RBFOX1: variants seen among roughly 807,000 people sequenced by gnomAD.
The protein encoded by RBFOX1 is RNA binding fox-1 homolog 1.
Under a neutral mutation model 57.7 loss-of-function variants are expected in RBFOX1, and 8 were observed. The ratio of observed to expected loss-of-function variants is 0.14; its 90% CI spans 0.08 to 0.25. RBFOX1 has a LOEUF of 0.25. Ranked by LOEUF, RBFOX1 falls within the 10% of genes least tolerant of loss-of-function variation. RBFOX1 has a pLI of 1.00. For synonymous variants in RBFOX1, 326 were observed against 222.4 expected (o/e 1.47, Z -4.15); for missense variants, 611 against 548.5 (o/e 1.11, Z -1.14).
Position 7,709,975 on chromosome 16 carries a change from A to G in RBFOX1, c.1072-648A>G, listed in dbSNP as rs112294434. On this transcript the variant is annotated intron_variant, in intron 15 of 15. Transcript: ENST00000550418. The stretch of plus-strand genomic sequence containing the variant: ...CCATAGGCATTCATTTGAATTGCCA[A>G]TACTTTTAGAAAAAGGAAATCGTTA... 1.2e-4 allele frequency: 117 copies of G among 1,007,604 alleles called. No individual in the cohort carries two copies. In the African/African-American group the frequency reaches 1.4e-3, roughly 12 times the overall value. 62.4% of individuals were successfully genotyped at this position (1,007,604 alleles called of 1,614,324 possible). A position where few individuals can be genotyped will look rare whatever the true frequency, so the allele number is the denominator to read the frequency against.
chr16:5,866,056 C>T (rs997540949), intron 3 of RBFOX1, among the ~76,000 whole-genome samples: 1 of 152,182 alleles, frequency 6.6e-6, no homozygotes, highest in African/African-American at 2.4e-5. Flanking sequence ...CAACCTCTGC[C>T]TCCGCGGTTC....
At chr16:6,459,827 A>T (rs994435234) in intron 2 of RBFOX1, among the ~76,000 whole-genome samples, 5 of 151,440 alleles carry the variant, frequency 3.3e-5, no homozygotes, top group Non-Finnish European at 7.4e-5. Flanking sequence ...TCTACATAAG[A>T]TACAAAATTA....
intron 2 of RBFOX1, among the ~76,000 whole-genome samples, chr16:6,616,527 T>A (rs1390062725): frequency 1.3e-5 from 2 of 152,020 alleles, no homozygotes; most frequent in African/African-American, 4.8e-5. Context: ...ATACAAAAAA[T>A]TAGCCAGGCA....
chr16:7,689,101 A>G (rs2076770349), intron 14 of RBFOX1, among the ~76,000 whole-genome samples: 1 of 152,102 alleles, frequency 6.6e-6, no homozygotes, highest in Admixed American at 6.6e-5. Flanking sequence ...AAGAAGGGTT[A>G]TAAGAAAAAT....
intron 3 of RBFOX1, among the ~76,000 whole-genome samples, chr16:5,817,377 T>C (rs1457369300): frequency 6.6e-6 from 1 of 152,204 alleles, no homozygotes; most frequent in African/African-American, 2.4e-5. Flanking sequence ...CTCACTGATA[T>C]CCCATTCGTG....
At chr16:5,484,883 G>A (rs1567149735) in intron 2 of RBFOX1, among the ~76,000 whole-genome samples, 1 of 149,420 alleles carries the variant, frequency 6.7e-6, no homozygotes, top group Non-Finnish European at 1.5e-5. Context: ...GTGACATAGT[G>A]AGACTCCATC....
At chr16:6,988,631 G>T (rs1338432885) in intron 3 of RBFOX1, among the ~76,000 whole-genome samples, 2 of 151,450 alleles carry the variant, frequency 1.3e-5, no homozygotes, top group Non-Finnish European at 2.9e-5. Flanking sequence ...GGAGTGCAGT[G>T]GTGCGATCTC....
intron 1 of RBFOX1, among the ~76,000 whole-genome samples, chr16:6,220,744 T>G (rs939830618): frequency 7.4e-5 from 11 of 149,562 alleles, no homozygotes; most frequent in Admixed American, 1.3e-4. Context: ...TGGAAAATAA[T>G]GAAGAAAACA....
intron 1 of RBFOX1, among the ~76,000 whole-genome samples, chr16:6,216,123 CT>C (rs1481538155): frequency 6.6e-6 from 1 of 151,968 alleles, no homozygotes; most frequent in Non-Finnish European, 1.5e-5. Flanking sequence ...ACACCGGGGC[CT>C]TTTGGAGGGT....
chr16:5,680,856 C>G (rs1441269652), intron 3 of RBFOX1, among the ~76,000 whole-genome samples: 1 of 151,870 alleles, frequency 6.6e-6, no homozygotes, highest in African/African-American at 2.4e-5. Context: ...GAGTAATGAA[C>G]AAGACGTGCA....
intron 2 of RBFOX1, among the ~76,000 whole-genome samples, chr16:6,594,360 GA>G (rs1567809974): frequency 2.0e-5 from 3 of 152,116 alleles, no homozygotes; most frequent in African/African-American, 7.2e-5. Context: ...AATGTTATGA[GA>G]AAAACAAGAA....
At chr16:6,755,347 C>G (rs1195552212) in intron 3 of RBFOX1, among the ~76,000 whole-genome samples, 3 of 152,254 alleles carry the variant, frequency 2.0e-5, no homozygotes, top group South Asian at 4.2e-4. Context: ...TATTTCTCCA[C>G]ATCCTCTCCA....
intron 2 of RBFOX1, among the ~76,000 whole-genome samples, chr16:6,349,605 C>A (rs2085944900): frequency 6.6e-6 from 1 of 152,176 alleles, no homozygotes; most frequent in African/African-American, 2.4e-5. Context: ...TTCCTGACTC[C>A]AGCTCCAGCT....
chr16:7,268,515 A>G (rs2095235125), intron 4 of RBFOX1, among the ~76,000 whole-genome samples: 1 of 152,138 alleles, frequency 6.6e-6, no homozygotes, highest in African/African-American at 2.4e-5. Context: ...CTGCGGTAAT[A>G]TGTTCTAATG....
intron 3 of RBFOX1, among the ~76,000 whole-genome samples, chr16:5,775,686 A>T (rs2054124221): frequency 6.6e-6 from 1 of 152,174 alleles, no homozygotes; most frequent in Non-Finnish European, 1.5e-5. Flanking sequence ...AAGGACTGAA[A>T]ACCATGGGTT....
chr16:7,573,233 A>C (rs1448036076), intron 5 of RBFOX1, among the ~76,000 whole-genome samples: 4 of 152,002 alleles, frequency 2.6e-5, no homozygotes, highest in Non-Finnish European at 2.9e-5. Context: ...GCAAAGACCA[A>C]AGATGGGGTC....
chr16:6,858,437 A>G (rs79003908), intron 3 of RBFOX1, among the ~76,000 whole-genome samples: 3,474 of 152,250 alleles, frequency 0.023, 59 homozygotes, highest in African/African-American at 0.042. Context: ...AAGGAGTTCC[A>G]CAATCTCGTT....
intron 1 of RBFOX1, among the ~76,000 whole-genome samples, chr16:6,308,847 C>G (rs1210922545): frequency 1.3e-5 from 2 of 152,142 alleles, no homozygotes; most frequent in Admixed American, 6.5e-5. Context: ...AAAAGTATTT[C>G]CCAACTATCA....
intron 2 of RBFOX1, among the ~76,000 whole-genome samples, chr16:6,544,784 T>G (rs1005209784): frequency 2.6e-5 from 4 of 152,174 alleles, no homozygotes; most frequent in Non-Finnish European, 4.4e-5. Flanking sequence ...TTGTGAAAAT[T>G]GAATGATGCT....
Sources: allele counts gnomAD v4.1 joint callset (sites outside exome capture counted in the v4.1 genomes callset), GRCh38; gene constraint gnomAD v4.1.1; transcripts MANE v1.5; gene names NCBI Gene and HGNC (gene_info 2026-07-23, HGNC 2026-07-21).